Variants in SLC9A9 observed in about 807,000 individuals in gnomAD.
SLC9A9 encodes sodium/hydrogen exchanger 9.
In SLC9A9, 62 loss-of-function variants were observed where a neutral mutation model predicts 77.8. That is an observed-to-expected ratio of 0.80 (90% confidence interval 0.65 to 0.98). SLC9A9 has a LOEUF of 0.98. Among genes scored for constraint, SLC9A9 ranks in the 50% least tolerant of loss-of-function variants. The pLI is 0.00. For synonymous variants in SLC9A9, 320 were observed against 283.5 expected (o/e 1.13, Z -1.29); for missense variants, 775 against 774.9 (o/e 1.00, Z 0.00).
At chr3:143,467,250 G>A in intron 11 of SLC9A9, 60 bp from the exon 12 acceptor site, 1 of 1,596,184 alleles carries the variant, frequency 6.3e-7, no homozygotes, top group Non-Finnish European at 8.6e-7. Context: ...TCATTTCAAT[G>A]GATTCATCTT....
chr3:143,639,120 T>C (rs530132257), intron 6 of SLC9A9, among the ~76,000 whole-genome samples: 2 of 152,216 alleles, frequency 1.3e-5, no homozygotes, highest in Non-Finnish European at 2.9e-5. Flanking sequence ...AATTCTTAAT[T>C]CAGAGCCCCA....
intron 14 of SLC9A9, among the ~76,000 whole-genome samples, chr3:143,302,053 C>A (rs2030546058): frequency 6.6e-6 from 1 of 152,156 alleles, no homozygotes; most frequent in African/African-American, 2.4e-5. Context: ...TTGCTAGCTG[C>A]TGGCCTGGTA....
At chr3:143,375,585 T>G (rs919174813) in intron 13 of SLC9A9, among the ~76,000 whole-genome samples, 5 of 152,176 alleles carry the variant, frequency 3.3e-5, no homozygotes, top group African/African-American at 1.2e-4. Context: ...CTAAGGCACT[T>G]AAGTCATCCC....
At chr3:143,335,232 C>G (rs1006379160) in intron 14 of SLC9A9, among the ~76,000 whole-genome samples, 4 of 152,102 alleles carry the variant, frequency 2.6e-5, no homozygotes, top group African/African-American at 9.7e-5. Context: ...TAGAAATAAA[C>G]ATAACCAAGG....
At chr3:143,333,933 TG>T (rs1460355555) in intron 14 of SLC9A9, among the ~76,000 whole-genome samples, 1 of 152,168 alleles carries the variant, frequency 6.6e-6, no homozygotes, top group Non-Finnish European at 1.5e-5. Flanking sequence ...GTGGATGTCA[TG>T]GGGAAGTGAA....
In SLC9A9 at chr3:143,350,460, C is replaced by T. The variant is rs779072775; in HGVS notation, c.1604+13024G>A. 2.0e-5 allele frequency among the ~76,000 whole-genome samples: 3 copies of T among 152,252 alleles called. No homozygotes were observed. In the East Asian group the frequency reaches 5.8e-4, roughly 29 times the overall value. On this transcript the variant is annotated intron_variant, in intron 14 of 15. Coordinates refer to ENST00000316549, the MANE Select transcript of SLC9A9 (RefSeq NM_173653.4). ...GATACTCAAAATCTTTTCAGATTTCCGTGAACACATCTTGTTAGTCTCTCC... is the reference window on the plus strand; with the variant it reads ...GATACTCAAAATCTTTTCAGATTTCTGTGAACACATCTTGTTAGTCTCTCC...
At chr3:143,815,480 T>C (rs73869029) in intron 2 of SLC9A9, among the ~76,000 whole-genome samples, 5,623 of 152,166 alleles carry the variant, frequency 0.037, 346 homozygotes, top group African/African-American at 0.13. Context: ...TGACTTCACC[T>C]GTTTGACACA....
At chr3:143,598,269 C>A (rs920318947) in intron 6 of SLC9A9, among the ~76,000 whole-genome samples, 4 of 152,164 alleles carry the variant, frequency 2.6e-5, no homozygotes, top group African/African-American at 9.7e-5. Context: ...AAAACTGTAT[C>A]CATACAAAGA....
intron 9 of SLC9A9, among the ~76,000 whole-genome samples, chr3:143,531,698 A>G (rs1179910263): frequency 1.3e-5 from 2 of 152,246 alleles, no homozygotes; most frequent in African/African-American, 4.8e-5. Context: ...ATCTCATTTT[A>G]ATGAAAGAGA....
intron 12 of SLC9A9, among the ~76,000 whole-genome samples, chr3:143,430,230 C>A (rs1390318525): frequency 6.6e-6 from 1 of 152,190 alleles, no homozygotes; most frequent in Non-Finnish European, 1.5e-5. Context: ...CCACCAAAGT[C>A]AAGCTTTGCT....
intron 5 of SLC9A9, among the ~76,000 whole-genome samples, chr3:143,681,409 G>T (rs998542665): frequency 1.3e-5 from 2 of 152,008 alleles, no homozygotes; most frequent in Admixed American, 1.3e-4. Flanking sequence ...GATGTAACAG[G>T]TTATGTTAAT....
intron 12 of SLC9A9, among the ~76,000 whole-genome samples, chr3:143,439,155 C>T (rs2034678929): frequency 6.6e-6 from 1 of 152,168 alleles, no homozygotes; most frequent in Non-Finnish European, 1.5e-5. Context: ...GCTTGCTAGG[C>T]ACCATTCTGG....
At chr3:143,639,271 G>A (rs575057215) in intron 6 of SLC9A9, among the ~76,000 whole-genome samples, 5 of 152,272 alleles carry the variant, frequency 3.3e-5, no homozygotes, top group South Asian at 2.1e-4. Flanking sequence ...TATTAGAAGC[G>A]AGTGTGGCAA....
intron 1 of SLC9A9, among the ~76,000 whole-genome samples, chr3:143,844,593 T>C (rs1007454383): frequency 6.6e-6 from 1 of 152,190 alleles, no homozygotes; most frequent in African/African-American, 2.4e-5. Context: ...GTCCACTAAA[T>C]CTTAAAATAT....
intron 10 of SLC9A9, 65 bp from the exon 11 acceptor site, chr3:143,493,829 C>G: frequency 8.4e-7 from 1 of 1,184,066 alleles, no homozygotes; most frequent in South Asian, 1.2e-5. Context: ...AATCCTTGAG[C>G]TTAAATATTA....
chr3:143,393,769 A>C (rs890268923), intron 12 of SLC9A9, among the ~76,000 whole-genome samples: 2 of 151,804 alleles, frequency 1.3e-5, no homozygotes, highest in Non-Finnish European at 1.5e-5. Context: ...TAAAGAGGAT[A>C]TCACCACCGA....
chr3:143,673,929 TAAG>T (rs2039197406), intron 5 of SLC9A9, among the ~76,000 whole-genome samples: 1 of 152,122 alleles, frequency 6.6e-6, no homozygotes, highest in African/African-American at 2.4e-5. Context: ...AATGAAAACA[TAAG>T]AAAACAAATT....
intron 2 of SLC9A9, among the ~76,000 whole-genome samples, chr3:143,806,750 T>G (rs1576741062): frequency 1.3e-5 from 2 of 149,250 alleles, no homozygotes; most frequent in South Asian, 2.2e-4. Flanking sequence ...GGGGGGCAAG[T>G]GGGGATTGTG....
intron 4 of SLC9A9, among the ~76,000 whole-genome samples, chr3:143,742,608 C>A (rs1434273897): frequency 6.6e-6 from 1 of 152,080 alleles, no homozygotes; most frequent in Non-Finnish European, 1.5e-5. Context: ...TAAGAGGAGT[C>A]TAAGGAGAAA....
Sources: allele counts gnomAD v4.1 joint callset (sites outside exome capture counted in the v4.1 genomes callset), GRCh38; gene constraint gnomAD v4.1.1; transcripts MANE v1.5; gene names NCBI Gene and HGNC (gene_info 2026-07-23, HGNC 2026-07-21).